ANKRD24: variants seen among roughly 807,000 people sequenced by gnomAD.
ANKRD24 encodes the protein ankyrin repeat domain-containing protein 24.
ANKRD24 carries 109 observed loss-of-function variants against 127.8 expected under a neutral mutation model. That is an observed-to-expected ratio of 0.85 (90% CI 0.73 to 1.00). The LOEUF is 1.00. ANKRD24 is among the 50% of genes least tolerant of loss of function. The probability of loss-of-function intolerance (pLI) is 0.00; values close to 1 mark genes in which losing one functional copy is unlikely to be tolerated. For synonymous variants in ANKRD24, 743 were observed against 671.1 expected (o/e 1.11, Z -1.66); for missense variants, 1,648 against 1,570.2 (o/e 1.05, Z -0.84).
At chr19:4,208,947 C>T in intron 11 of ANKRD24, 146 bp downstream of exon 11, 6 of 810,942 alleles carry the variant, frequency 7.4e-6, no homozygotes, top group Non-Finnish European at 1.2e-5. Context: ...ATGCTGCCAC[C>T]AAGTGGCGGC....
intron 21 of ANKRD24, 27 bp downstream of exon 21, chr19:4,224,219 G>A (rs374683262): frequency 3.7e-5 from 59 of 1,593,136 alleles, no homozygotes; most frequent in African/African-American, 2.7e-4. Context: ...CTGGGTACCC[G>A]GTGGCTTTGG....
At chr19:4,223,398 TA>T (rs1358031977) in intron 20 of ANKRD24, among the ~76,000 whole-genome samples, 1,423 of 52,792 alleles carry the variant, frequency 0.027, 19 homozygotes, top group Non-Finnish European at 0.038. Flanking sequence ...TATATATATA[TA>T]TATTTTTTTT....
chr19:4,209,683 C>G (rs1408952614), intron 11 of ANKRD24, among the ~76,000 whole-genome samples: 1 of 152,010 alleles, frequency 6.6e-6, no homozygotes, highest in Non-Finnish European at 1.5e-5. Context: ...GAACTCCTGA[C>G]CTCAAGTGAT....
intron 13 of ANKRD24, 102 bp downstream of exon 13, chr19:4,210,474 C>T (rs2145346027): frequency 9.5e-7 from 1 of 1,054,982 alleles, no homozygotes; most frequent in East Asian, 2.7e-5. Flanking sequence ...CTCCATCTCT[C>T]TCCCTCCCCA....
intron 2 of ANKRD24, among the ~76,000 whole-genome samples, chr19:4,193,010 G>T (rs1003024655): frequency 1.3e-5 from 2 of 151,556 alleles, no homozygotes; most frequent in Non-Finnish European, 2.9e-5. Context: ...ATCTTAGGTG[G>T]TGATAAGAGG....
intron 2 of ANKRD24, among the ~76,000 whole-genome samples, chr19:4,193,403 A>T (rs1380330704): frequency 2.6e-5 from 4 of 152,068 alleles, no homozygotes; most frequent in African/African-American, 4.8e-5. Context: ...GACAGCAGTA[A>T]AGAAAGCAGC....
chr19:4,212,372 G>A lies in ANKRD24; in HGVS notation c.1060-103G>A, dbSNP rs1008705205. ...TTCAGTAGGTGCTGAATAGTTGCAC[G>A]TGGAATGCGTGAATGTGCATGGAAT... On this transcript the variant is annotated intron_variant, in intron 13 of 21. Coordinates refer to ENST00000318934, the MANE Select transcript of ANKRD24 (RefSeq NM_001393985.1). 1.0e-5 allele frequency: 14 copies of A among 1,355,346 alleles called. No homozygotes were observed. The African/African-American group carries it at 1.3e-4, about 13-fold the overall frequency. 84.0% of individuals were successfully genotyped at this position (1,355,346 alleles called of 1,614,324 possible). A position where few individuals can be genotyped will look rare whatever the true frequency, so the allele number is the denominator to read the frequency against.
At chr19:4,206,711 G>C (rs1051625312) in intron 7 of ANKRD24, among the ~76,000 whole-genome samples, 6 of 152,134 alleles carry the variant, frequency 3.9e-5, no homozygotes, top group Non-Finnish European at 7.4e-5. Flanking sequence ...TCTTACCCCA[G>C]TGGGTGACCA....
intron 1 of ANKRD24, among the ~76,000 whole-genome samples, chr19:4,185,160 A>T (rs1228165207): frequency 6.8e-6 from 1 of 147,972 alleles, no homozygotes. Flanking sequence ...GGATGAAGGG[A>T]TGGATAAGTG....
In ANKRD24 at chr19:4,217,859, C is replaced by T. The variant is rs2145402938; in HGVS notation, c.2699C>T (p.Ala900Val). The T allele has an allele frequency of 3.4e-6, 5 of 1,453,984 alleles. No homozygotes were observed. The highest frequency in any genetic ancestry group is 2.6e-5 in the Admixed American group (1 of 38,876). The allele number at this position is 1,453,984 out of a possible 1,614,324, so 90.1% of individuals were successfully genotyped here. The stretch of plus-strand genomic sequence containing the variant: ...TGCGAGGAGGCGCGGCAGGGCCTGG[C>T]CGAGCTGCGGGAGGCCTCCGAGGCC... Reference protein sequence around the residue: ...AACEEARQGLAELREASEALR... With the variant: ...AACEEARQGLVELREASEALR... The change falls in exon 18 of 22, where the codon GCC becomes GTC. Residue 900 changes from alanine to valine, a missense_variant. Physicochemically the swap from Ala to Val is moderately conservative, Grantham distance 64. Transcript: ENST00000318934.
chr19:4,223,367 C>CCATA lies in ANKRD24; in HGVS notation c.3297+577_3297+580dup, dbSNP rs202128799. 6.2e-3 allele frequency among the ~76,000 whole-genome samples: 636 copies of CCATA among 102,230 alleles called. 16 individuals carry two copies. Among genetic ancestry groups the CCATA allele is most frequent in the African/African-American group, 0.014 (316 of 22,450 alleles). 67.1% of individuals were successfully genotyped at this position (102,230 alleles called of 152,430 possible). A position where few individuals can be genotyped will look rare whatever the true frequency, so the allele number is the denominator to read the frequency against. On this transcript the variant is annotated intron_variant, in intron 20 of 21. Coordinates refer to ENST00000318934, the MANE Select transcript of ANKRD24 (RefSeq NM_001393985.1). ...CACCTCAACCTCCCAAAGTGCCTGG[C>CCATA]CATACATATATATATATATATATAT...
At chr19:4,219,454 C>A in intron 18 of ANKRD24, 137 bp from the exon 19 acceptor site, 1 of 959,104 alleles carries the variant, frequency 1.0e-6, no homozygotes, top group Non-Finnish European at 1.5e-6. Context: ...AGTGCAGGTC[C>A]GGAGCAACAG....
At chr19:4,189,243 CTTTTTTTT>C (rs398033749) in intron 2 of ANKRD24, among the ~76,000 whole-genome samples, 4 of 73,940 alleles carry the variant, frequency 5.4e-5, no homozygotes, top group East Asian at 9.4e-4. Context: ...TTTCTTTCTT[CTTTTTTTT>C]TTTTTTTTTT....
At position 4,207,877 on chromosome 19, in the gene ANKRD24, G is replaced by T. The variant is rs1448672403; in HGVS notation, c.741G>T (p.Gly247=). The T allele has an allele frequency of 3.2e-6, 5 of 1,558,658 alleles. No individual in the cohort carries two copies. Among genetic ancestry groups the T allele is most frequent in the Non-Finnish European group, 4.3e-6 (5 of 1,154,026 alleles). The change falls in exon 10 of 22, where the codon GGG becomes GGT. Residue 247 remains glycine (G), a synonymous_variant. Transcript: ENST00000318934. ...AGCCGGGCATCACCGATGCGCTGGG[G>T]CAGGACGCGGCTCACTATGGCGCCC... The part of the protein sequence containing the change: ...GAQPGITDAL[G]QDAAHYGALA...
At position 4,199,666 on chromosome 19, in the gene ANKRD24, A is replaced by G. The variant is rs1260779944; in HGVS notation, c.37-17A>G. On this transcript the variant is annotated splice_polypyrimidine_tract_variant and intron_variant, in intron 2 of 21. Coordinates refer to ENST00000318934, the MANE Select transcript of ANKRD24 (RefSeq NM_001393985.1). The surrounding 1 kb of genome is among the most constrained non-coding windows in gnomAD (Gnocchi z 5.2). The stretch of plus-strand genomic sequence containing the variant: ...CTGTCTGAGGACCCCCTCGCCCAGG[A>G]CCACCTCCCCCTGCAGCTGCGGCTC... The G allele has an allele frequency of 1.1e-5, 17 of 1,519,940 alleles. No homozygotes were observed. The highest frequency in any genetic ancestry group is 1.4e-5 in the Non-Finnish European group (16 of 1,138,422). The allele number at this position is 1,519,940 out of a possible 1,614,324, so 94.2% of individuals were successfully genotyped here.
At chr19:4,208,633 G>A (rs1969526257) in intron 10 of ANKRD24, 131 bp from the exon 11 acceptor site, 1 of 807,996 alleles carries the variant, frequency 1.2e-6, no homozygotes, top group Non-Finnish European at 2.0e-6. Flanking sequence ...CTCTACCCAA[G>A]CGCCAGATTT....
chr19:4,194,558 C>T (rs939372269), intron 2 of ANKRD24, among the ~76,000 whole-genome samples: 28 of 152,172 alleles, frequency 1.8e-4, no homozygotes, highest in African/African-American at 3.4e-4. Context: ...CCATTCTCTA[C>T]GGAAACAGGC....
At chr19:4,185,931 A>G (rs747880859) in intron 1 of ANKRD24, among the ~76,000 whole-genome samples, 4 of 152,174 alleles carry the variant, frequency 2.6e-5, no homozygotes, top group South Asian at 2.1e-4. Flanking sequence ...CAAAGCTGAT[A>G]AGAGCAAGGG....
chr19:4,193,263 C>T (rs1351638149), intron 2 of ANKRD24, among the ~76,000 whole-genome samples: 1 of 139,616 alleles, frequency 7.2e-6, no homozygotes, highest in Non-Finnish European at 1.5e-5. Flanking sequence ...GATCCCTCCA[C>T]TGCACTCCAG....
Sources: allele counts gnomAD v4.1 joint callset (sites outside exome capture counted in the v4.1 genomes callset), GRCh38; gene constraint gnomAD v4.1.1; non-coding constraint Gnocchi (gnomAD v3.1); transcripts MANE v1.5; gene names NCBI Gene and HGNC (gene_info 2026-07-23, HGNC 2026-07-21).